SLCO4A1: variants seen among roughly 807,000 people sequenced by gnomAD.
SLCO4A1 encodes the protein solute carrier organic anion transporter family member 4A1, also known as colon organic anion transporter.
Under a neutral mutation model 64.6 loss-of-function variants are expected in SLCO4A1, and 51 were observed. The ratio of observed to expected loss-of-function variants is 0.79; its 90% confidence interval spans 0.63 to 1.00. SLCO4A1 has a LOEUF of 1.00. Among genes scored for constraint, SLCO4A1 ranks in the 50% least tolerant of loss-of-function variants. The pLI is 0.00. For synonymous variants in SLCO4A1, 471 were observed against 444.9 expected, an observed-to-expected ratio of 1.06 and a Z score of -0.74; for missense variants, 919 against 980.5, an observed-to-expected ratio of 0.94 and a Z score of 0.84.
chr20:62,658,880 G>A, intron 3 of SLCO4A1, 113 bp downstream of exon 3: 2 of 903,670 alleles, frequency 2.2e-6, no homozygotes, highest in South Asian at 1.6e-5. Flanking sequence ...CGCAGGTGCT[G>A]GGCACCCCCC....
Position 62,644,642 on chromosome 20 carries a change from G to C in SLCO4A1, c.-97+2089G>C, listed in dbSNP as rs1569112598. 6.6e-6 allele frequency among the ~76,000 whole-genome samples: 1 copy of C among 152,240 alleles called. No individual in the cohort carries two copies. Among genetic ancestry groups the C allele is most frequent in the East Asian group, 1.9e-4 (1 of 5,202 alleles). Reference sequence around the variant, plus strand: ...CTTCCAAATGGCAAAATTTTTCTCAGCCCATTGTAGAATGAAAAGTTAACT... The same window carrying C: ...CTTCCAAATGGCAAAATTTTTCTCACCCCATTGTAGAATGAAAAGTTAACT... On this transcript the variant is annotated intron_variant, in intron 1 of 11. Coordinates refer to ENST00000217159, the MANE Select transcript of SLCO4A1 (RefSeq NM_016354.4). This position sits in a 1 kb window ranked among gnomAD's most constrained non-coding sequence, Gnocchi z 5.4.
intron 7 of SLCO4A1, among the ~76,000 whole-genome samples, chr20:62,667,048 G>A (rs906169094): frequency 7.2e-5 from 11 of 152,222 alleles, no homozygotes; most frequent in African/African-American, 2.2e-4. Context: ...TGCGGGCCCC[G>A]GGAGTGCACC....
chr20:62,675,728 C>T (rs1374273582), downstream of SLCO4A1, among the ~76,000 whole-genome samples: 8 of 152,236 alleles, frequency 5.3e-5, no homozygotes, highest in East Asian at 3.9e-4. Context: ...GGATCACGGG[C>T]GCACCCAGCC....
chr20:62,682,078 C>A (rs895290393), intron 2 of SLCO4A1, among the ~76,000 whole-genome samples: 2 of 152,182 alleles, frequency 1.3e-5, no homozygotes, highest in Non-Finnish European at 2.9e-5. Context: ...ACCGCATGCC[C>A]GGGAGACTGC....
intron 6 of SLCO4A1, 74 bp from the exon 7 acceptor site, chr20:62,666,306 C>T: frequency 7.3e-7 from 1 of 1,370,714 alleles, no homozygotes; most frequent in Non-Finnish European, 1.0e-6. Context: ...GTAAAGTGGA[C>T]CCGGCTGATC....
chr20:62,656,488 A>C lies in SLCO4A1; in HGVS notation c.34A>C (p.Thr12Pro), dbSNP rs1225829714. 1.3e-6 allele frequency: 2 copies of C among 1,525,250 alleles called. No individual in the cohort carries two copies. The highest frequency in any genetic ancestry group is 1.8e-6 in the Non-Finnish European group (2 of 1,136,774). 94.5% of individuals were successfully genotyped at this position (1,525,250 alleles called of 1,614,324 possible). A position where few individuals can be genotyped will look rare whatever the true frequency, so the allele number is the denominator to read the frequency against. The change falls in exon 2 of 12, where the codon ACC becomes CCC. Residue 12 changes from threonine (T) to proline (P), a missense_variant. Transcript: ENST00000217159. ...GCATCAGCTGGGGGACAAGCCGCTC[A>C]CCTTCCCCAGCCCCAACTCAGCCAT... ...PLHQLGDKPL[T>P]FPSPNSAMEN...
At chr20:62,669,157 A>C (rs1881833465) in intron 11 of SLCO4A1, 79 bp downstream of exon 11, 1 of 1,397,544 alleles carries the variant, frequency 7.2e-7, no homozygotes, top group Admixed American at 1.7e-5. Flanking sequence ...ATCTTCCAGC[A>C]GCTTGGACCA....
At chr20:62,681,010 T>C (rs1174202172) in intron 2 of SLCO4A1, among the ~76,000 whole-genome samples, 2 of 152,148 alleles carry the variant, frequency 1.3e-5, no homozygotes, top group African/African-American at 2.4e-5. Flanking sequence ...GGCTCAGGGC[T>C]CAGCTGATCC....
intron 11 of SLCO4A1, among the ~76,000 whole-genome samples, chr20:62,671,481 T>C (rs927861438): frequency 2.0e-5 from 3 of 152,240 alleles, no homozygotes; most frequent in African/African-American, 4.8e-5. Context: ...TTCACTGGTG[T>C]CTGGCACTGT....
chr20:62,658,651 C>A, intron 2 of SLCO4A1, 26 bp from the exon 3 acceptor site: 1 of 1,590,568 alleles, frequency 6.3e-7, no homozygotes, highest in Non-Finnish European at 8.6e-7. Flanking sequence ...TGCACAGCGG[C>A]CCTGACGCCT....
chr20:62,685,284 C>CT lies in SLCO4A1; in HGVS notation n.212-156dup, dbSNP rs1342762989. Among the ~76,000 whole-genome samples the CT allele has an allele frequency of 5.3e-5, 8 of 150,510 alleles. No individual in the cohort carries two copies. In the South Asian group the frequency reaches 1.7e-3, roughly 32 times the overall value. The stretch of plus-strand genomic sequence containing the variant: ...GTGGGGAGTGGGGGCTGGGTCGGGG[C>CT]TGGGCCCTGGCTGCCCTGGCTGCCC... On this transcript the variant is annotated intron_variant and non_coding_transcript_variant, in intron 2 of 2. Coordinates refer to the SLCO4A1 transcript ENST00000466818. This position sits in a 1 kb window ranked among gnomAD's most constrained non-coding sequence, Gnocchi z 4.6.
At chr20:62,647,789 C>T (rs1981634539) in intron 1 of SLCO4A1, among the ~76,000 whole-genome samples, 1 of 152,240 alleles carries the variant, frequency 6.6e-6, no homozygotes, top group Non-Finnish European at 1.5e-5. Context: ...CCCCAGTTCC[C>T]ACAGTCTGGG....
At chr20:62,687,098 CAGG>C (rs1294316600), downstream of SLCO4A1, among the ~76,000 whole-genome samples, 1 of 145,914 alleles carries the variant, frequency 6.9e-6, no homozygotes, top group Non-Finnish European at 1.5e-5. Context: ...CACCCCCAAA[CAGG>C]AGCAATGGGA....
rs1173786115 is a variant in SLCO4A1 at position 62,656,951 on chromosome 20, C to T, written c.497C>T (p.Ser166Leu). 1.3e-6 allele frequency: 2 copies of T among 1,564,134 alleles called. No homozygotes were observed. Among genetic ancestry groups the T allele is most frequent in the Non-Finnish European group, 1.7e-6 (2 of 1,150,060 alleles). ...ACCTTCGTCAGCTACTTCGGGGGCT[C>T]AGGGCACAAGCCGCGCTGGCTGGGC... is the stretch of plus-strand genomic sequence containing the variant. Reference protein sequence around the residue: ...CLTFVSYFGGSGHKPRWLGWG... With the variant: ...CLTFVSYFGGLGHKPRWLGWG... The change falls in exon 2 of 12, where the codon TCA (serine) becomes TTA (leucine). Residue 166 changes from serine to leucine, a missense_variant. By Grantham distance (145) the Ser-to-Leu change is moderately radical. Coordinates refer to ENST00000217159, the MANE Select transcript of SLCO4A1 (RefSeq NM_016354.4).
downstream of SLCO4A1, among the ~76,000 whole-genome samples, chr20:62,686,944 GGGCACCCCCAAACAGGCACAATGGGAAC>G (rs1467269014): frequency 2.7e-5 from 4 of 149,054 alleles, no homozygotes; most frequent in South Asian, 2.1e-4. Flanking sequence ...CAATGGGAAA[GGGCACCCCCAAACAGGCACAATGGGAAC>G]GGCACCCCCA....
downstream of SLCO4A1, among the ~76,000 whole-genome samples, chr20:62,674,902 C>T (rs1370564489): frequency 1.4e-4 from 21 of 152,300 alleles, no homozygotes; most frequent in Admixed American, 1.4e-3. Context: ...CAGCCTTGCT[C>T]GTGGGCTTCG....
chr20:62,667,252 A>G (rs188148922), intron 7 of SLCO4A1, among the ~76,000 whole-genome samples: 1 of 152,218 alleles, frequency 6.6e-6, no homozygotes, highest in Admixed American at 6.5e-5. Context: ...GAGTTGGACA[A>G]TGGGCGCAGT....
intron 4 of SLCO4A1, 87 bp downstream of exon 4, chr20:62,660,620 C>CT (rs968761099): frequency 1.4e-6 from 2 of 1,447,112 alleles, no homozygotes; most frequent in African/African-American, 2.8e-5. Context: ...CCTCTGCTGT[C>CT]TTTTTCCCCG....
intron 1 of SLCO4A1, among the ~76,000 whole-genome samples, chr20:62,655,312 GGGC>G (rs1305840620): frequency 2.2e-5 from 3 of 137,028 alleles, no homozygotes; most frequent in Non-Finnish European, 3.2e-5. Flanking sequence ...CCCAGGGTGG[GGGC>G]GGCACAGGTG....
Sources: gnomAD v4.1 joint callset for allele counts (sites outside exome capture counted in the v4.1 genomes callset) on GRCh38, gnomAD v4.1.1 for gene constraint, Gnocchi (gnomAD v3.1) non-coding constraint, MANE v1.5 for transcripts, NCBI Gene and HGNC (gene_info 2026-07-23, HGNC 2026-07-21) for gene names.